Variants in PCGF6 observed in about 807,000 individuals in gnomAD.
PCGF6 encodes polycomb group RING finger protein 6.
Under a neutral mutation model 45.5 loss-of-function variants are expected in PCGF6, and 24 were observed. The ratio of observed to expected loss-of-function variants is 0.53; its 90% confidence interval spans 0.38 to 0.74. PCGF6 has a LOEUF of 0.74. Among genes scored for constraint, PCGF6 ranks in the 30% least tolerant of loss-of-function variants. PCGF6 has a pLI of 0.00. For missense variants in PCGF6, 356 were observed against 443.2 expected (o/e 0.80, Z 1.77); for synonymous variants, 152 against 162.1 (o/e 0.94, Z 0.47).
intron 8 of PCGF6, among the ~76,000 whole-genome samples, chr10:103,316,375 A>G (rs1251475386): frequency 6.6e-6 from 1 of 152,244 alleles, no homozygotes; most frequent in Admixed American, 6.6e-5. Flanking sequence ...AAAGAACAGT[A>G]ATAGCAGCTG....
At chr10:103,342,614 C>CT (rs1204254260) in intron 6 of PCGF6, among the ~76,000 whole-genome samples, 1 of 152,152 alleles carries the variant, frequency 6.6e-6, no homozygotes, top group African/African-American at 2.4e-5. Flanking sequence ...CCACCATCCT[C>CT]TTTTTAAAAA....
chr10:103,303,256 T>C lies in PCGF6; in HGVS notation c.*649A>G, dbSNP rs898232558. ...CAAAGAAGCACCCCTTATTGGAAGA[T>C]GTATTGAAGAAGTCTTATTACACTG... On this transcript the variant is annotated 3_prime_UTR_variant, in exon 10 of 10. Transcript: ENST00000369847. The C allele has an allele frequency of 2.0e-5, 3 of 152,602 alleles. No homozygotes were observed. The highest frequency in any genetic ancestry group is 7.2e-5 in the African/African-American group (3 of 41,462). The allele number at this position is 152,602 out of a possible 1,614,324, so 9.5% of individuals were successfully genotyped here. A position where few individuals can be genotyped will look rare whatever the true frequency, so the allele number is the denominator to read the frequency against.
chr10:103,338,261 CG>C (rs778336936), intron 6 of PCGF6, among the ~76,000 whole-genome samples: 28 of 150,700 alleles, frequency 1.9e-4, no homozygotes, highest in Non-Finnish European at 5.9e-5. Flanking sequence ...ACAAAAAAAC[CG>C]GTCAGGTGCA....
At chr10:103,308,666 G>T (rs1248918549) in intron 9 of PCGF6, among the ~76,000 whole-genome samples, 1 of 152,004 alleles carries the variant, frequency 6.6e-6, no homozygotes, top group African/African-American at 2.4e-5. Context: ...GAGCCCAGGG[G>T]TTTGAGACCA....
At chr10:103,349,626 G>A (rs1457945918) in intron 1 of PCGF6, among the ~76,000 whole-genome samples, 3 of 150,336 alleles carry the variant, frequency 2.0e-5, no homozygotes, top group African/African-American at 7.3e-5. Context: ...GATTACAGGC[G>A]CGTGCCACCA....
At chr10:103,314,393 G>T in intron 8 of PCGF6, 121 bp from the exon 9 acceptor site, 1 of 573,690 alleles carries the variant, frequency 1.7e-6, no homozygotes, top group Non-Finnish European at 3.0e-6. Context: ...ATTTTAGACT[G>T]ATTAAACGCT....
chr10:103,343,088 C>T (rs961114471), intron 6 of PCGF6, among the ~76,000 whole-genome samples: 1 of 152,016 alleles, frequency 6.6e-6, no homozygotes, highest in African/African-American at 2.4e-5. Flanking sequence ...ACCACCACGA[C>T]CAGCTAATTT....
intron 9 of PCGF6, among the ~76,000 whole-genome samples, chr10:103,304,658 T>TTC (rs2093131621): frequency 7.0e-6 from 1 of 143,522 alleles, no homozygotes; most frequent in Non-Finnish European, 1.5e-5. Flanking sequence ...CAGCCCCACT[T>TTC]TTTTTTTTTT....
Position 103,304,734 on chromosome 10 carries a change from C to T in PCGF6, c.997-773G>A, listed in dbSNP as rs976929497. ...TCAGTGGCCAAATCTGGACTCACTG[C>T]AGCCTTGACCACCTGGGCTCAAGCG... On this transcript the variant is annotated intron_variant, in intron 9 of 9. Coordinates refer to ENST00000369847, the MANE Select transcript of PCGF6 (RefSeq NM_001011663.2). Among the ~76,000 whole-genome samples, 4 of 151,136 alleles carry T rather than the reference C, an allele frequency of 2.6e-5. No individual in the cohort carries two copies. In the Admixed American group the frequency reaches 2.7e-4, roughly 10 times the overall value.
chr10:103,311,102 T>C (rs2093155789), intron 9 of PCGF6, among the ~76,000 whole-genome samples: 1 of 152,082 alleles, frequency 6.6e-6, no homozygotes, highest in African/African-American at 2.4e-5. Context: ...CCACAAAATG[T>C]TGGGATTATA....
intron 6 of PCGF6, among the ~76,000 whole-genome samples, chr10:103,335,922 G>T (rs977803011): frequency 1.4e-5 from 2 of 143,666 alleles, no homozygotes; most frequent in African/African-American, 5.2e-5. Context: ...AGCTGAGATC[G>T]TGTCACTACA....
chr10:103,343,257 C>A (rs188931494), intron 6 of PCGF6, among the ~76,000 whole-genome samples: 8 of 151,302 alleles, frequency 5.3e-5, no homozygotes, highest in African/African-American at 1.9e-4. Context: ...GTTGAGAGCA[C>A]GAAGTGGATA....
chr10:103,327,760 C>T (rs868516366), intron 7 of PCGF6, among the ~76,000 whole-genome samples: 14 of 151,746 alleles, frequency 9.2e-5, no homozygotes, highest in African/African-American at 3.1e-4. Context: ...CTGCAAGCTC[C>T]GCCTCCCGGG....
intron 9 of PCGF6, among the ~76,000 whole-genome samples, chr10:103,305,460 G>A (rs1253256004): frequency 1.3e-5 from 2 of 151,748 alleles, no homozygotes; most frequent in Admixed American, 6.6e-5. Context: ...TAGTAGAGAC[G>A]GGGTTTCACC....
chr10:103,347,497 C>G (rs372427350), intron 3 of PCGF6, 47 bp from the exon 4 acceptor site: 2 of 1,461,332 alleles, frequency 1.4e-6, no homozygotes, highest in Non-Finnish European at 1.9e-6. Flanking sequence ...CAGAAAAATG[C>G]ATTTTGGTAC....
At chr10:103,307,075 G>T (rs999242001) in intron 9 of PCGF6, among the ~76,000 whole-genome samples, 3 of 151,010 alleles carry the variant, frequency 2.0e-5, no homozygotes, top group African/African-American at 7.3e-5. Context: ...CTGCACTCCA[G>T]CCTGGGTGAC....
rs1032399946 is a variant in PCGF6, at chr10:103,332,840, C to T, written c.810+1085G>A. Among the ~76,000 whole-genome samples the T allele has an allele frequency of 2.0e-5, 3 of 152,202 alleles. No homozygotes were observed. In the East Asian group the frequency reaches 5.8e-4, roughly 29 times the overall value. ...AAAATCATGGGGATTTATGGTCGGG[C>T]GCAGTGGCTCACACCTGTAATCCCA... is the stretch of plus-strand genomic sequence containing the variant. On this transcript the variant is annotated intron_variant, in intron 7 of 9. Coordinates refer to ENST00000369847, the MANE Select transcript of PCGF6 (RefSeq NM_001011663.2).
chr10:103,330,855 G>C (rs2133579996), intron 7 of PCGF6, among the ~76,000 whole-genome samples: 1 of 152,254 alleles, frequency 6.6e-6, no homozygotes, highest in South Asian at 2.1e-4. Flanking sequence ...CTTGAACCTG[G>C]GAGGCAGAGG....
intron 6 of PCGF6, among the ~76,000 whole-genome samples, chr10:103,344,222 GAT>G (rs1478962295): frequency 1.3e-5 from 2 of 149,912 alleles, no homozygotes; most frequent in Admixed American, 6.7e-5. Flanking sequence ...CTTAGGAATA[GAT>G]ATACACGTGG....
Sources: gnomAD v4.1 joint callset for allele counts (sites outside exome capture counted in the v4.1 genomes callset) on GRCh38, gnomAD v4.1.1 for gene constraint, MANE v1.5 for transcripts, NCBI Gene and HGNC (gene_info 2026-07-23, HGNC 2026-07-21) for gene names.